Variants in PTPRD observed in about 807,000 individuals in gnomAD.
PTPRD encodes receptor-type tyrosine-protein phosphatase delta.
A neutral mutation model predicts 214.5 loss-of-function variants in PTPRD; 34 were observed. The observed-to-expected ratio is 0.16, with a 90% CI of 0.12 to 0.21. PTPRD has a LOEUF of 0.21. Ranked by LOEUF, PTPRD falls within the 10% of genes least tolerant of loss-of-function variation. PTPRD has a pLI of 1.00. For synonymous variants in PTPRD, 1,128 were observed against 845.7 expected (o/e 1.33, Z -5.79); for missense variants, 2,545 against 2,398.7 (o/e 1.06, Z -1.27).
At chr9:8,675,339 T>C (rs1484910279) in intron 12 of PTPRD, among the ~76,000 whole-genome samples, 9 of 152,032 alleles carry the variant, frequency 5.9e-5, no homozygotes, top group African/African-American at 2.2e-4. Context: ...TCACATATCC[T>C]GCAGAGTGAG....
chr9:10,391,003 TGGA>T (rs1183429983), intron 2 of PTPRD, among the ~76,000 whole-genome samples: 2 of 151,770 alleles, frequency 1.3e-5, no homozygotes, highest in Admixed American at 6.6e-5. Flanking sequence ...GACTTTACAA[TGGA>T]GGAGAACACT....
intron 3 of PTPRD, among the ~76,000 whole-genome samples, chr9:10,321,708 T>G (rs2096556021): frequency 6.6e-6 from 1 of 152,050 alleles, no homozygotes; most frequent in Non-Finnish European, 1.5e-5. Context: ...GGGATGATAT[T>G]TATGTAGGTC....
At chr9:10,199,139 G>A (rs1390313065) in intron 3 of PTPRD, among the ~76,000 whole-genome samples, 1 of 151,686 alleles carries the variant, frequency 6.6e-6, no homozygotes, top group Admixed American at 6.6e-5. Flanking sequence ...AGGAGTGGAT[G>A]CAGTACTCAC....
intron 11 of PTPRD, among the ~76,000 whole-genome samples, chr9:8,907,894 G>C (rs958445830): frequency 6.6e-6 from 1 of 152,074 alleles, no homozygotes; most frequent in Non-Finnish European, 1.5e-5. Context: ...AATTGAAGAA[G>C]TAATAGCTGA....
At chr9:8,847,997 C>A (rs971841442) in intron 11 of PTPRD, among the ~76,000 whole-genome samples, 3 of 152,098 alleles carry the variant, frequency 2.0e-5, no homozygotes, top group South Asian at 4.2e-4. Flanking sequence ...AAAAATGCTT[C>A]TGATTTCTTA....
At chr9:10,506,309 A>C (rs566103479) in intron 2 of PTPRD, among the ~76,000 whole-genome samples, 1 of 152,182 alleles carries the variant, frequency 6.6e-6, no homozygotes, top group South Asian at 2.1e-4. Flanking sequence ...CTCCATATAC[A>C]TCTTTTATAA....
chr9:9,894,052 G>A (rs1046711706), intron 5 of PTPRD, among the ~76,000 whole-genome samples: 4 of 152,032 alleles, frequency 2.6e-5, no homozygotes, highest in Non-Finnish European at 4.4e-5. Context: ...GGGTTCAAAT[G>A]TACTTCCTGC....
chr9:8,741,175 A>C (rs2091826804), intron 11 of PTPRD, among the ~76,000 whole-genome samples: 1 of 152,112 alleles, frequency 6.6e-6, no homozygotes, highest in Admixed American at 6.5e-5. Flanking sequence ...GGGAAGAAAA[A>C]AATGAGGTAT....
At chr9:10,412,389 C>G (rs1433993213) in intron 2 of PTPRD, among the ~76,000 whole-genome samples, 1 of 151,330 alleles carries the variant, frequency 6.6e-6, no homozygotes, top group Non-Finnish European at 1.5e-5. Context: ...CTGAACAGAC[C>G]AATAATTAGC....
chr9:8,475,821 A>C (rs1162669469), intron 30 of PTPRD, among the ~76,000 whole-genome samples: 1 of 151,552 alleles, frequency 6.6e-6, no homozygotes, highest in Non-Finnish European at 1.5e-5. Context: ...CTCTACTGCC[A>C]CTCTTCTGGC....
intron 11 of PTPRD, among the ~76,000 whole-genome samples, chr9:8,925,842 G>A (rs1389210044): frequency 6.9e-6 from 1 of 145,292 alleles, no homozygotes; most frequent in African/African-American, 2.6e-5. Flanking sequence ...CAATTTGTCA[G>A]CTGGACTATT....
At chr9:9,356,255 G>C (rs2053739827) in intron 9 of PTPRD, among the ~76,000 whole-genome samples, 2 of 151,330 alleles carry the variant, frequency 1.3e-5, no homozygotes, top group South Asian at 2.1e-4. Context: ...ATAACAGCAA[G>C]TTTGTGTGGT....
chr9:9,003,628 T>C (rs934425138), intron 11 of PTPRD, among the ~76,000 whole-genome samples: 1 of 152,048 alleles, frequency 6.6e-6, no homozygotes, highest in Admixed American at 6.6e-5. Flanking sequence ...TTTTTAGCAA[T>C]AGGCAGTAAG....
chr9:8,802,785 C>A (rs2096597759), intron 11 of PTPRD, among the ~76,000 whole-genome samples: 1 of 152,136 alleles, frequency 6.6e-6, no homozygotes, highest in Admixed American at 6.6e-5. Flanking sequence ...GGAGTGGTGG[C>A]TTAAACCTGT....
intron 44 of PTPRD, 41 bp from the exon 45 acceptor site, chr9:8,320,007 C>G: frequency 6.2e-7 from 1 of 1,602,994 alleles, no homozygotes; most frequent in African/African-American, 1.3e-5. Context: ...GTGAGATGTT[C>G]ACAGTCTTGG....
chr9:10,019,366 T>C (rs2096795422), intron 4 of PTPRD, among the ~76,000 whole-genome samples: 3 of 152,186 alleles, frequency 2.0e-5, no homozygotes, highest in African/African-American at 7.2e-5. Context: ...GAAGTCAGTG[T>C]GGCGATTCCT....
intron 36 of PTPRD, among the ~76,000 whole-genome samples, chr9:8,392,117 A>G (rs1361923123): frequency 1.3e-5 from 2 of 152,010 alleles, no homozygotes; most frequent in South Asian, 2.1e-4. Flanking sequence ...AAGTGTAGTA[A>G]TTCATGCCTA....
At chr9:10,527,267 C>A (rs2054589643) in intron 2 of PTPRD, among the ~76,000 whole-genome samples, 1 of 152,134 alleles carries the variant, frequency 6.6e-6, no homozygotes, top group Non-Finnish European at 1.5e-5. Flanking sequence ...GAGGCAGGGG[C>A]ATTCATGACT....
chr9:10,218,774 A>G (rs1484076787), intron 3 of PTPRD, among the ~76,000 whole-genome samples: 2 of 151,826 alleles, frequency 1.3e-5, no homozygotes, highest in Non-Finnish European at 2.9e-5. Flanking sequence ...GTGATTTATA[A>G]CATTCTACGT....
Sources: gnomAD v4.1 joint callset for allele counts (sites outside exome capture counted in the v4.1 genomes callset) on GRCh38, gnomAD v4.1.1 for gene constraint, MANE v1.5 for transcripts, NCBI Gene and HGNC (gene_info 2026-07-23, HGNC 2026-07-21) for gene names.